PACS2: variants seen among roughly 807,000 people sequenced by gnomAD.
PACS2 encodes PACS1-like protein.
PACS2 carries 36 observed loss-of-function variants against 113.0 expected under a neutral mutation model. That is an observed-to-expected ratio of 0.32 (90% CI 0.24 to 0.42). The LOEUF is 0.42. Ranked by LOEUF, PACS2 falls within the 10% of genes least tolerant of loss-of-function variation. PACS2 has a pLI of 1.00. For missense variants in PACS2, 1,015 were observed against 1,239.5 expected (o/e 0.82, Z 2.72); for synonymous variants, 589 against 536.1 (o/e 1.10, Z -1.36).
At chr14:105,379,898 T>C in intron 10 of PACS2, 69 bp downstream of exon 10, 1 of 1,478,418 alleles carries the variant, frequency 6.8e-7, no homozygotes, top group African/African-American at 1.4e-5. Context: ...GGCCCAAATC[T>C]CCCAGCATGT....
intron 1 of PACS2, among the ~76,000 whole-genome samples, chr14:105,325,803 G>A (rs2140875935): frequency 6.6e-6 from 1 of 152,364 alleles, no homozygotes; most frequent in Middle Eastern, 3.4e-3. Context: ...TGAGCACGGG[G>A]AACGGCACCA....
At chr14:105,373,279 G>T in intron 8 of PACS2, among the ~76,000 whole-genome samples, 1 of 152,212 alleles carries the variant, frequency 6.6e-6, no homozygotes, top group East Asian at 1.9e-4. Flanking sequence ...GAACAGTCTT[G>T]AAGAAAGAAG....
At position 105,394,812 on chromosome 14, in the gene PACS2, G is replaced by A. The variant is rs2081488991; in HGVS notation, c.*140G>A. The A allele has an allele frequency of 9.0e-6, 6 of 666,264 alleles. No individual in the cohort carries two copies. Among genetic ancestry groups the A allele is most frequent in the African/African-American group, 1.8e-5 (1 of 56,090 alleles). 41.3% of individuals were successfully genotyped at this position (666,264 alleles called of 1,614,324 possible). A position where few individuals can be genotyped will look rare whatever the true frequency, so the allele number is the denominator to read the frequency against. On this transcript the variant is annotated 3_prime_UTR_variant, in exon 25 of 25. Transcript: ENST00000447393. ...TCTTAAGTATGAATGTGCTCACAAC[G>A]TGGAAACTAACGGGGGAGCTCCTGC... is the stretch of plus-strand genomic sequence containing the variant.
At chr14:105,313,516 C>T (rs1055058913), upstream of PACS2, among the ~76,000 whole-genome samples, 1 of 152,186 alleles carries the variant, frequency 6.6e-6, no homozygotes, top group Non-Finnish European at 1.5e-5. Flanking sequence ...TTTAAGCAGT[C>T]GCAGCTGTTT....
At chr14:105,384,315 T>C in intron 16 of PACS2, 38 bp from the exon 17 acceptor site, 1 of 1,251,812 alleles carries the variant, frequency 8.0e-7, no homozygotes, top group Non-Finnish European at 1.2e-6. Flanking sequence ...CAGCTCCGAG[T>C]CCCCCGTGGT....
upstream of PACS2, among the ~76,000 whole-genome samples, chr14:105,310,726 A>G (rs1462493913): frequency 6.6e-6 from 1 of 151,682 alleles, no homozygotes; most frequent in African/African-American, 2.4e-5. Flanking sequence ...CTGTGGTTTG[A>G]TTTTCCCTAC....
intron 3 of PACS2, among the ~76,000 whole-genome samples, chr14:105,353,696 C>T (rs587727542): frequency 6.6e-6 from 1 of 151,902 alleles, no homozygotes; most frequent in African/African-American, 2.4e-5. Flanking sequence ...CGAGTTCAAG[C>T]GATTCTCCTG....
Position 105,366,355 on chromosome 14 carries a change from TAATA to T in PACS2, c.424-846_424-843del, listed in dbSNP as rs782660907. 1.1e-4 allele frequency among the ~76,000 whole-genome samples: 16 copies of T among 152,204 alleles called. No homozygotes were observed. Among genetic ancestry groups the T allele is most frequent in the South Asian group, 6.2e-4 (3 of 4,822 alleles). On this transcript the variant is annotated intron_variant, in intron 4 of 24. Coordinates refer to ENST00000447393, the MANE Select transcript of PACS2 (RefSeq NM_001100913.3). This position sits in a 1 kb window ranked among gnomAD's most constrained non-coding sequence, Gnocchi z 4.3. ...AGAATGAGACTCCGTCTCAAAAAAG[TAATA>T]AATAAATAAATCTGGTCTATAAAAT... is the stretch of plus-strand genomic sequence containing the variant.
In PACS2 at chr14:105,354,644, C is replaced by T. The variant is rs587752933; in HGVS notation, c.298-408C>T. On this transcript the variant is annotated intron_variant, in intron 3 of 24. Coordinates refer to ENST00000447393, the MANE Select transcript of PACS2 (RefSeq NM_001100913.3). This position sits in a 1 kb window ranked among gnomAD's most constrained non-coding sequence, Gnocchi z 4.2. ...GGGGCCTCGGAGGGAGAGCCCTCCC[C>T]GCCCTGTGTGCCCCTCGCGGAAAAG... 5.9e-5 allele frequency among the ~76,000 whole-genome samples: 9 copies of T among 152,326 alleles called. No individual in the cohort carries two copies. The highest frequency in any genetic ancestry group is 2.1e-4 in the South Asian group (1 of 4,826).
intron 1 of PACS2, among the ~76,000 whole-genome samples, chr14:105,327,487 G>A (rs1311701367): frequency 1.3e-5 from 2 of 152,198 alleles, no homozygotes; most frequent in African/African-American, 2.4e-5. Context: ...TTCTCCTGCC[G>A]TGGTCCTGTC....
rs587726649 is a variant in PACS2 at position 105,348,362 on chromosome 14, G to A, written c.120-131G>A. ...TGGAGCCCTGTGAGGTCCTGGGGCC[G>A]CCCAGGCAGTCACACCCCGCCCTGC... On this transcript the variant is annotated intron_variant, in intron 1 of 24. Coordinates refer to ENST00000447393, the MANE Select transcript of PACS2 (RefSeq NM_001100913.3). The surrounding 1 kb of genome is among the most constrained non-coding windows in gnomAD (Gnocchi z 6.4). 6 of 638,008 alleles carry A rather than the reference G, an allele frequency of 9.4e-6. No homozygotes were observed. The highest frequency in any genetic ancestry group is 3.7e-5 in the South Asian group (2 of 54,426). The allele number at this position is 638,008 out of a possible 1,614,324, so 39.5% of individuals were successfully genotyped here. A position where few individuals can be genotyped will look rare whatever the true frequency, so the allele number is the denominator to read the frequency against.
chr14:105,347,625 G>A (rs767016996), intron 1 of PACS2, among the ~76,000 whole-genome samples: 2 of 152,214 alleles, frequency 1.3e-5, no homozygotes, highest in Non-Finnish European at 2.9e-5. Context: ...AGGGCAGACA[G>A]TGCCATCCCT....
At chr14:105,370,323 C>G (rs1335502575) in intron 8 of PACS2, 1 of 146,404 alleles carries the variant, frequency 6.8e-6, no homozygotes, top group African/African-American at 2.5e-5. Flanking sequence ...TGACAGCCCC[C>G]CACTACTGAC....
At position 105,309,179 on chromosome 14, in the gene PACS2, T is replaced by C. The variant is rs1479147101; in HGVS notation, c.-83+8200T>C. On this transcript the variant is annotated intron_variant, in intron 1 of 23. Transcript: ENST00000430725. This position sits in a 1 kb window ranked among gnomAD's most constrained non-coding sequence, Gnocchi z 4.0. The stretch of plus-strand genomic sequence containing the variant: ...TCTAATATTTAAGTTATGTCCTGGC[T>C]TATTGTGATGATATTCTATTGTGGG... 2.6e-5 allele frequency among the ~76,000 whole-genome samples: 4 copies of C among 152,160 alleles called. No individual in the cohort carries two copies. Among genetic ancestry groups the C allele is most frequent in the African/African-American group, 7.2e-5 (3 of 41,420 alleles).
chr14:105,334,578 T>C (rs1176527886), intron 1 of PACS2, among the ~76,000 whole-genome samples: 1 of 151,344 alleles, frequency 6.6e-6, no homozygotes, highest in African/African-American at 2.4e-5. Context: ...TGAGGGCCAG[T>C]ATGTGCGTAG....
intron 1 of PACS2, among the ~76,000 whole-genome samples, chr14:105,345,810 C>T (rs1300475251): frequency 2.6e-5 from 4 of 152,174 alleles, no homozygotes; most frequent in African/African-American, 7.2e-5. Context: ...TGTCTTTCTT[C>T]CTCTTGCATT....
At chr14:105,371,368 GAACTGAGTCCCAGAATGC>G (rs2061147674) in intron 8 of PACS2, 1 of 152,222 alleles carries the variant, frequency 6.6e-6, no homozygotes, top group Admixed American at 6.5e-5. Context: ...CTGGGCAACT[GAACTGAGTCCCAGAATGC>G]ATTTCACTTA....
intron 1 of PACS2, among the ~76,000 whole-genome samples, chr14:105,304,189 A>C (rs1403427112): frequency 6.6e-6 from 1 of 152,094 alleles, no homozygotes; most frequent in Non-Finnish European, 1.5e-5. Flanking sequence ...CAACGGTAAG[A>C]GGTTTAAAGG....
At chr14:105,379,046 C>T (rs782583233) in intron 9 of PACS2, among the ~76,000 whole-genome samples, 1 of 152,024 alleles carries the variant, frequency 6.6e-6, no homozygotes, top group Non-Finnish European at 1.5e-5. Context: ...TCGGGAAGGG[C>T]CTGGGTGGTC....
Sources: gnomAD v4.1 joint callset for allele counts (sites outside exome capture counted in the v4.1 genomes callset) on GRCh38, gnomAD v4.1.1 for gene constraint, Gnocchi (gnomAD v3.1) non-coding constraint, MANE v1.5 for transcripts, NCBI Gene and HGNC (gene_info 2026-07-23, HGNC 2026-07-21) for gene names.